Variants in HEPH observed in about 807,000 individuals in gnomAD.
The protein encoded by HEPH is hephaestin.
Under a neutral mutation model 80.8 loss-of-function variants are expected in HEPH, and 69 were observed. The observed-to-expected ratio is 0.85, with a 90% CI of 0.70 to 1.04. The LOEUF (loss-of-function observed/expected upper bound fraction) is 1.04. HEPH is among the 50% of genes least tolerant of loss of function. HEPH has a pLI of 0.00. For missense variants in HEPH, 1,115 were observed against 891.3 expected, an observed-to-expected ratio of 1.25 and a Z score of -3.20; for synonymous variants, 431 against 322.8, an observed-to-expected ratio of 1.34 and a Z score of -3.60.
intron 15 of HEPH, among the ~76,000 whole-genome samples, chrX:66,231,244 T>C (rs1378263837): frequency 9.2e-6 from 1 of 109,054 alleles, no homozygotes; most frequent in Admixed American, 9.8e-5. Flanking sequence ...GGCTTAGGAT[T>C]GACTTGGTGA....
intron 15 of HEPH, among the ~76,000 whole-genome samples, chrX:66,225,457 C>A (rs948074400): frequency 1.8e-4 from 20 of 111,968 alleles, no homozygotes; most frequent in African/African-American, 6.5e-4. Flanking sequence ...ACCAAAGTAT[C>A]AAGCAATCCA....
intron 16 of HEPH, among the ~76,000 whole-genome samples, chrX:66,255,694 G>A (rs1351809005): frequency 2.6e-4 from 29 of 111,543 alleles, no homozygotes; most frequent in Non-Finnish European, 2.1e-4. Context: ...GTCTAGTTGA[G>A]CAAGAGGGAA....
At chrX:66,263,557 C>A in intron 19 of HEPH, 87 bp from the exon 20 acceptor site, 1 of 1,019,966 alleles carries the variant, frequency 9.8e-7, no homozygotes, top group East Asian at 3.1e-5. Context: ...GAAATTTCTG[C>A]AACCAATGTT....
chrX:66,257,819 G>A (rs1361444624), intron 17 of HEPH, among the ~76,000 whole-genome samples: 3 of 111,567 alleles, frequency 2.7e-5, no homozygotes, highest in Non-Finnish European at 5.6e-5. Flanking sequence ...TCTCTTGGGT[G>A]ATAAAGTGGA....
upstream of HEPH, chrX:66,162,781 A>T: frequency 8.7e-7 from 1 of 1,154,682 alleles, no homozygotes; most frequent in Non-Finnish European, 1.1e-6. Flanking sequence ...TCTTCCCTGG[A>T]CCCTGCTCCA....
intron 4 of HEPH, among the ~76,000 whole-genome samples, chrX:66,179,283 C>T (rs1451135360): frequency 9.0e-6 from 1 of 111,436 alleles, no homozygotes; most frequent in Non-Finnish European, 1.9e-5. Context: ...TCTGAGGGCT[C>T]TGTTGTTTTT....
intron 4 of HEPH, among the ~76,000 whole-genome samples, chrX:66,177,173 T>C (rs1036005971): frequency 9.0e-6 from 1 of 111,134 alleles, no homozygotes. Flanking sequence ...GAACAGATGG[T>C]CTGTAGTTTT....
chrX:66,223,397 T>C (rs2089735167), intron 15 of HEPH, among the ~76,000 whole-genome samples: 1 of 111,789 alleles, frequency 8.9e-6, no homozygotes, highest in Admixed American at 9.5e-5. Flanking sequence ...TATTTAATAA[T>C]GCTTCTTGTA....
At chrX:66,208,493 C>A (rs1161507425) in intron 15 of HEPH, among the ~76,000 whole-genome samples, 4 of 105,388 alleles carry the variant, frequency 3.8e-5, no homozygotes, top group Non-Finnish European at 7.8e-5. Context: ...GTGGTGTGCA[C>A]CTGTAGTCTC....
At chrX:66,209,603 A>G (rs1449312496) in intron 15 of HEPH, among the ~76,000 whole-genome samples, 1 of 112,614 alleles carries the variant, frequency 8.9e-6, no homozygotes, top group Admixed American at 9.4e-5. Context: ...TGTAAAGGAA[A>G]AAGAATAGAT....
At position 66,258,903 on chromosome X, in the gene HEPH, C is replaced by T; in HGVS notation, c.2960C>T (p.Ala987Val). The change falls in exon 18 of 21, where the codon GCC (alanine) becomes GTC (valine). Residue 987 changes from alanine to valine, a missense_variant. By Grantham distance (64) the Ala-to-Val change is moderately conservative. This residue lies in a region of HEPH where 716 missense variants were observed against 523.5 expected (regional missense o/e 1.37). Transcript: ENST00000343002. Reference sequence around the variant, plus strand: ...ACCATGTACCAAGGAGAACGAGTGGCCTGGTACATGCTGGCCATGGGCCAA... The same window carrying T: ...ACCATGTACCAAGGAGAACGAGTGGTCTGGTACATGCTGGCCATGGGCCAA... ...GLTMYQGERV[A>V]WYMLAMGQDV... 2.5e-6 allele frequency: 3 copies of T among 1,198,926 alleles called. No homozygotes were observed. The highest frequency in any genetic ancestry group is 3.4e-6 in the Non-Finnish European group (3 of 888,955).
chrX:66,220,793 C>A (rs1433350595), intron 15 of HEPH, among the ~76,000 whole-genome samples: 1 of 111,163 alleles, frequency 9.0e-6, no homozygotes, highest in Admixed American at 9.5e-5. Flanking sequence ...GTCCTCAGAC[C>A]TTAATCTTAC....
chrX:66,180,915 T>G (rs2087109644), intron 4 of HEPH, among the ~76,000 whole-genome samples: 1 of 95,665 alleles, frequency 1.0e-5, no homozygotes, highest in African/African-American at 3.9e-5. Flanking sequence ...ATCTCATTGT[T>G]CAATTCCCAC....
intron 4 of HEPH, among the ~76,000 whole-genome samples, chrX:66,179,966 G>T (rs900469902): frequency 9.0e-6 from 1 of 110,696 alleles, no homozygotes; most frequent in African/African-American, 3.3e-5. Flanking sequence ...TTAAGTTTAT[G>T]TGAGTCCTTA....
chrX:66,252,263 T>C (rs2091030016), intron 15 of HEPH, among the ~76,000 whole-genome samples: 2 of 111,940 alleles, frequency 1.8e-5, no homozygotes, highest in African/African-American at 6.5e-5. Flanking sequence ...ATCAAATATT[T>C]ATTTTTAATA....
chrX:66,188,535 A>T lies in HEPH; in HGVS notation c.802A>T (p.Met268Leu), dbSNP rs760937666. Residue 268 changes from methionine (M) to leucine (L), a missense_variant, in exon 5 of 21, where the codon ATG becomes TTG. Met to Leu is a conservative substitution (Grantham distance 15). Around this residue, in one of 3 missense-constraint regions of HEPH, gnomAD observed 391 missense variants for 343.6 expected, o/e 1.14. Coordinates refer to ENST00000343002, the MANE Select transcript of HEPH (RefSeq NM_001367233.3). ...EDETFQESNRMHAINGFVFGN... is the reference protein window; with the variant it reads ...EDETFQESNRLHAINGFVFGN... ...TGAGACATTTCAGGAGAGCAATAGG[A>T]TGCATGGTGAGTTGGGAAAAGGTGG... The T allele has an allele frequency of 5.0e-6, 6 of 1,204,559 alleles. No individual in the cohort carries two copies. The highest frequency in any genetic ancestry group is 5.6e-6 in the Non-Finnish European group (5 of 890,982).
intron 15 of HEPH, among the ~76,000 whole-genome samples, chrX:66,230,938 T>G (rs1288379088): frequency 9.5e-6 from 1 of 104,753 alleles, no homozygotes; most frequent in Admixed American, 1.0e-4. Flanking sequence ...TAATCCATCT[T>G]GAATTGATTT....
At chrX:66,165,541 G>T (rs1330391102) in intron 1 of HEPH, among the ~76,000 whole-genome samples, 1 of 111,218 alleles carries the variant, frequency 9.0e-6, no homozygotes, top group Non-Finnish European at 1.9e-5. Context: ...GGAGAGAAAA[G>T]AGCATTGTCG....
At chrX:66,227,544 G>A (rs1272857119) in intron 15 of HEPH, among the ~76,000 whole-genome samples, 1 of 111,975 alleles carries the variant, frequency 8.9e-6, no homozygotes, top group Non-Finnish European at 1.9e-5. Context: ...CATCTGGAAA[G>A]CTCCTAGAAC....
Sources: allele counts gnomAD v4.1 joint callset (sites outside exome capture counted in the v4.1 genomes callset), GRCh38; gene constraint gnomAD v4.1.1; regional missense constraint gnomAD v4.1.1; transcripts MANE v1.5; gene names NCBI Gene and HGNC (gene_info 2026-07-23, HGNC 2026-07-21).